PARD3: variants seen among roughly 807,000 people sequenced by gnomAD.
PARD3 encodes the protein partitioning defective 3 homolog.
In PARD3, 75 loss-of-function variants were observed where a neutral mutation model predicts 155.4. That is an observed-to-expected ratio of 0.48 (90% CI 0.40 to 0.58). The LOEUF is 0.58. Among genes scored for constraint, PARD3 ranks in the 20% least tolerant of loss-of-function variants. The pLI, the probability that PARD3 is intolerant of heterozygous loss-of-function variation, is 0.00. For missense variants in PARD3, 1,642 were observed against 1,721.7 expected, an observed-to-expected ratio of 0.95 and a Z score of 0.82; for synonymous variants, 576 against 610.5, an observed-to-expected ratio of 0.94 and a Z score of 0.83.
chr10:34,578,864 T>C (rs1357240992), intron 2 of PARD3, among the ~76,000 whole-genome samples: 3 of 152,256 alleles, frequency 2.0e-5, no homozygotes, highest in African/African-American at 7.2e-5. Context: ...AATTTCTTCT[T>C]TTATAATTAG....
chr10:34,623,299 C>T (rs1040663984), intron 2 of PARD3, among the ~76,000 whole-genome samples: 2 of 152,188 alleles, frequency 1.3e-5, no homozygotes, highest in Non-Finnish European at 2.9e-5. Flanking sequence ...CTATTTATAG[C>T]AGACATGATT....
At chr10:34,306,695 G>A (rs901348659) in intron 20 of PARD3, among the ~76,000 whole-genome samples, 54 of 152,238 alleles carry the variant, frequency 3.5e-4, no homozygotes, top group African/African-American at 1.2e-3. Context: ...TAGATCCATG[G>A]AGCATGAAAG....
intron 2 of PARD3, among the ~76,000 whole-genome samples, chr10:34,564,344 C>T (rs1445331586): frequency 6.6e-6 from 1 of 152,192 alleles, no homozygotes; most frequent in Non-Finnish European, 1.5e-5. Context: ...CACTATCCAT[C>T]CAACCTTCCT....
intron 5 of PARD3, among the ~76,000 whole-genome samples, chr10:34,439,112 T>C (rs985859354): frequency 1.3e-5 from 2 of 152,032 alleles, no homozygotes; most frequent in Non-Finnish European, 2.9e-5. Flanking sequence ...CTGGGAAGGG[T>C]TGGGAGACAG....
intron 3 of PARD3, among the ~76,000 whole-genome samples, chr10:34,470,568 A>G (rs1394020156): frequency 6.6e-6 from 1 of 152,114 alleles, no homozygotes; most frequent in African/African-American, 2.4e-5. Flanking sequence ...GTCCTTTCCA[A>G]CTCAAATGAA....
At chr10:34,225,335 C>T (rs910632177) in intron 22 of PARD3, among the ~76,000 whole-genome samples, 1 of 150,168 alleles carries the variant, frequency 6.7e-6, no homozygotes, top group Non-Finnish European at 1.5e-5. Flanking sequence ...GCAGACTGGA[C>T]TAGTTTTTTT....
rs560361997 is a variant in PARD3 at position 34,772,718 on chromosome 10, C to T, written c.120+42158G>A. On this transcript the variant is annotated intron_variant, in intron 1 of 24. Transcript: ENST00000374788. ...CTGAGGCAGGAGAATTGCTTGAACC[C>T]GGGAGGCAGAGGTTGCAGTGAGCCG... is the stretch of plus-strand genomic sequence containing the variant. Among the ~76,000 whole-genome samples the T allele has an allele frequency of 1.8e-4, 27 of 148,590 alleles. No individual in the cohort carries two copies. In the East Asian group the frequency reaches 3.9e-3, roughly 21 times the overall value.
intron 24 of PARD3, among the ~76,000 whole-genome samples, chr10:34,113,185 C>T (rs1217028054): frequency 6.6e-6 from 1 of 152,140 alleles, no homozygotes; most frequent in African/African-American, 2.4e-5. Context: ...AGACATTTCA[C>T]CTCTTTTTCA....
intron 22 of PARD3, among the ~76,000 whole-genome samples, chr10:34,169,749 C>G (rs1009077247): frequency 1.3e-5 from 2 of 152,182 alleles, no homozygotes; most frequent in Non-Finnish European, 2.9e-5. Flanking sequence ...CACGTATAGA[C>G]TCATGGAAAC....
intron 22 of PARD3, among the ~76,000 whole-genome samples, chr10:34,176,657 T>C (rs565200154): frequency 1.3e-5 from 2 of 152,306 alleles, no homozygotes; most frequent in East Asian, 1.9e-4. Context: ...TCCAGCACCA[T>C]TAGAAAGAGG....
chr10:34,565,165 C>T (rs2085818698), intron 2 of PARD3, among the ~76,000 whole-genome samples: 1 of 147,782 alleles, frequency 6.8e-6, no homozygotes, highest in Non-Finnish European at 1.5e-5. Context: ...GCCAAGTATA[C>T]TTCATCATGA....
intron 4 of PARD3, among the ~76,000 whole-genome samples, chr10:34,467,234 G>T (rs1343654350): frequency 6.6e-6 from 1 of 151,738 alleles, no homozygotes; most frequent in African/African-American, 2.4e-5. Context: ...TTAAAATATT[G>T]ATAATAAAAT....
intron 3 of PARD3, among the ~76,000 whole-genome samples, chr10:34,472,969 C>G (rs369409514): frequency 3.3e-5 from 5 of 152,168 alleles, no homozygotes; most frequent in African/African-American, 1.2e-4. Flanking sequence ...AAATAATTAG[C>G]ATTTATCTCT....
intron 2 of PARD3, among the ~76,000 whole-genome samples, chr10:34,557,057 A>C (rs1165546229): frequency 6.6e-6 from 1 of 152,128 alleles, no homozygotes; most frequent in East Asian, 1.9e-4. Context: ...GCAATGTTCA[A>C]TGGACCCAGG....
intron 22 of PARD3, among the ~76,000 whole-genome samples, chr10:34,263,813 C>T (rs1010190102): frequency 1.3e-5 from 2 of 152,198 alleles, no homozygotes; most frequent in African/African-American, 2.4e-5. Flanking sequence ...AGAAGACTAG[C>T]TGCTGGCAGA....
chr10:34,111,429 CCAG>C lies in PARD3; in HGVS notation c.3799_3801del (p.Leu1267del), dbSNP rs1946375016. On this transcript the variant is annotated inframe_deletion, in exon 25 of 25. Coordinates refer to ENST00000374788, the MANE Select transcript of PARD3 (RefSeq NM_001184785.2). ...ACCCTGGCGTTGAAGCCATGTCCTC[CCAG>C]GTAGCCGTTCCTGGAGCCTTGGTAG... 6.2e-7 allele frequency: 1 copy of C among 1,614,180 alleles called. No individual in the cohort carries two copies. The highest frequency in any genetic ancestry group is 1.1e-5 in the South Asian group (1 of 91,084).
chr10:34,463,065 A>G (rs1197313098), intron 4 of PARD3, among the ~76,000 whole-genome samples: 1 of 66,602 alleles, frequency 1.5e-5, no homozygotes, highest in Non-Finnish European at 2.9e-5. Context: ...GGGGGAGGGG[A>G]AGGGGAGGGA....
At chr10:34,294,815 T>C (rs1956832364) in intron 20 of PARD3, among the ~76,000 whole-genome samples, 1 of 152,146 alleles carries the variant, frequency 6.6e-6, no homozygotes, top group Non-Finnish European at 1.5e-5. Flanking sequence ...CATCTACCTG[T>C]GTCACAATGC....
At chr10:34,174,118 C>T (rs760912098) in intron 22 of PARD3, among the ~76,000 whole-genome samples, 6 of 152,164 alleles carry the variant, frequency 3.9e-5, no homozygotes, top group African/African-American at 1.4e-4. Context: ...CCAAGCATAA[C>T]GATGCTTCAT....
Sources: allele counts gnomAD v4.1 joint callset (sites outside exome capture counted in the v4.1 genomes callset), GRCh38; gene constraint gnomAD v4.1.1; transcripts MANE v1.5; gene names NCBI Gene and HGNC (gene_info 2026-07-23, HGNC 2026-07-21).